COL4A5: variants seen among roughly 807,000 people sequenced by gnomAD.
COL4A5 encodes collagen type IV alpha 5 chain.
A neutral mutation model predicts 130.2 loss-of-function variants in COL4A5; 26 were observed. The ratio of observed to expected loss-of-function variants is 0.20; its 90% CI spans 0.15 to 0.28. The LOEUF (loss-of-function observed/expected upper bound fraction) is 0.28. Among genes scored for constraint, COL4A5 ranks in the 10% least tolerant of loss-of-function variants. COL4A5 has a pLI of 1.00. For missense variants in COL4A5, 1,131 were observed against 1,344.3 expected, an observed-to-expected ratio of 0.84 and a Z score of 2.48; for synonymous variants, 496 against 439.6, an observed-to-expected ratio of 1.13 and a Z score of -1.60.
At position 108,697,041 on chromosome X, in the gene COL4A5, G is replaced by A. The variant is rs1351633155; in HGVS notation, c.*663G>A. On this transcript the variant is annotated 3_prime_UTR_variant, in exon 53 of 53. Coordinates refer to ENST00000328300, the MANE Select transcript of COL4A5 (RefSeq NM_033380.3). ...GTAAATTTATTTTGAGTTTTATCCCGTAAGTTCTGTTTTGATTTTTTTTAA... is the reference window on the plus strand; with the variant it reads ...GTAAATTTATTTTGAGTTTTATCCCATAAGTTCTGTTTTGATTTTTTTTAA... 9.0e-6 allele frequency: 1 copy of A among 111,204 alleles called. No individual in the cohort carries two copies. Among genetic ancestry groups the A allele is most frequent in the Non-Finnish European group, 1.9e-5 (1 of 52,960 alleles). 9.2% of individuals were successfully genotyped at this position (111,204 alleles called of 1,213,427 possible).
chrX:108,681,690 TA>T, intron 46 of COL4A5, 69 bp from the exon 47 acceptor site: 1 of 1,199,539 alleles, frequency 8.3e-7, no homozygotes, highest in Non-Finnish European at 1.1e-6. Flanking sequence ...GTCCTGAACT[TA>T]GGTCACTTTG....
intron 25 of COL4A5, 27 bp downstream of exon 25, chrX:108,598,897 C>T (rs777011571): frequency 8.3e-7 from 1 of 1,203,497 alleles, no homozygotes; most frequent in Non-Finnish European, 1.1e-6. Flanking sequence ...TTGTTTTAAA[C>T]TTGGTGCTTA....
chrX:108,663,725 G>A (rs187570792), intron 37 of COL4A5, among the ~76,000 whole-genome samples: 325 of 104,998 alleles, frequency 3.1e-3, no homozygotes, highest in African/African-American at 0.012. Flanking sequence ...TCCTGCATAC[G>A]TACCCCAGAA....
intron 1 of COL4A5, among the ~76,000 whole-genome samples, chrX:108,469,022 TCTTTA>T (rs1391600622): frequency 9.0e-6 from 1 of 110,840 alleles, no homozygotes; most frequent in African/African-American, 3.3e-5. Flanking sequence ...TGAGTCAATG[TCTTTA>T]CTTGTTATGA....
At chrX:108,460,471 G>C (rs1460981347) in intron 1 of COL4A5, among the ~76,000 whole-genome samples, 1 of 108,121 alleles carries the variant, frequency 9.2e-6, no homozygotes, top group African/African-American at 3.4e-5. Flanking sequence ...TTATGGTCAG[G>C]TGAGTTCCTA....
At chrX:108,589,013 G>A (rs1022409099) in intron 19 of COL4A5, among the ~76,000 whole-genome samples, 1 of 111,505 alleles carries the variant, frequency 9.0e-6, no homozygotes, top group Non-Finnish European at 1.9e-5. Flanking sequence ...AATAGCGGTA[G>A]GATGCAAGAA....
intron 1 of COL4A5, among the ~76,000 whole-genome samples, chrX:108,473,633 A>ATATATATATATATTTTTTTTT: frequency 1.4e-4 from 5 of 34,560 alleles, no homozygotes; most frequent in East Asian, 4.9e-4. Flanking sequence ...ATATATATAT[A>ATATATATATATATTTTTTTTT]TTTTTTTTTT....
intron 1 of COL4A5, among the ~76,000 whole-genome samples, chrX:108,445,443 T>G (rs1011062050): frequency 2.7e-5 from 3 of 112,148 alleles, no homozygotes; most frequent in African/African-American, 9.7e-5. Context: ...TTTCTATTCA[T>G]GGAGGTGTAC....
rs1569509313 is a variant in COL4A5, at chrX:108,695,316, G to C, written c.4871G>C (p.Gly1624Ala). Reference sequence around the variant, plus strand: ...TCAGGTCAAGCCCTAGCCTCCCCTGGTTCCTGCTTGGAAGAGTTTCGTTCA... The same window carrying C: ...TCAGGTCAAGCCCTAGCCTCCCCTGCTTCCTGCTTGGAAGAGTTTCGTTCA... Reference protein sequence around the residue: ...EGSGQALASPGSCLEEFRSAP... With the variant: ...EGSGQALASPASCLEEFRSAP... The change falls in exon 52 of 53, where the codon GGT becomes GCT. Residue 1624 changes from glycine to alanine, a missense_variant. By Grantham distance (60) the Gly-to-Ala change is moderately conservative. Coordinates refer to ENST00000328300, the MANE Select transcript of COL4A5 (RefSeq NM_033380.3). 1 of 1,211,493 alleles carries C rather than the reference G, an allele frequency of 8.3e-7. No individual in the cohort carries two copies. The highest frequency in any genetic ancestry group is 1.1e-6 in the Non-Finnish European group (1 of 895,394).
At chrX:108,663,552 G>T (rs2068008355) in intron 37 of COL4A5, among the ~76,000 whole-genome samples, 1 of 110,802 alleles carries the variant, frequency 9.0e-6, no homozygotes, top group Non-Finnish European at 1.9e-5. Context: ...ACAGGAAGGG[G>T]AACAACACAC....
intron 2 of COL4A5, among the ~76,000 whole-genome samples, chrX:108,544,002 T>C (rs2065597170): frequency 8.9e-6 from 1 of 112,022 alleles, no homozygotes; most frequent in Non-Finnish European, 1.9e-5. Context: ...CTTAAGGAGA[T>C]TTTAGGCTGA....
chrX:108,515,902 A>G (rs2065216335), intron 1 of COL4A5, among the ~76,000 whole-genome samples: 1 of 111,644 alleles, frequency 9.0e-6, no homozygotes, highest in South Asian at 3.7e-4. Flanking sequence ...TGAAACAGCC[A>G]GAACTGTAGC....
chrX:108,455,794 T>TA (rs1439555317), intron 1 of COL4A5, among the ~76,000 whole-genome samples: 1 of 111,971 alleles, frequency 8.9e-6, no homozygotes, highest in African/African-American at 3.2e-5. Context: ...ATGGAATGTG[T>TA]ATATGCAGGT....
intron 30 of COL4A5, among the ~76,000 whole-genome samples, chrX:108,615,723 G>A (rs758251345): frequency 2.3e-4 from 26 of 110,907 alleles, no homozygotes; most frequent in Non-Finnish European, 2.6e-4. Context: ...TGTTAATCTA[G>A]GTAAGTACAG....
chrX:108,524,636 A>G (rs901429455), intron 1 of COL4A5, among the ~76,000 whole-genome samples: 1 of 111,268 alleles, frequency 9.0e-6, no homozygotes, highest in African/African-American at 3.3e-5. Flanking sequence ...TTACTGCTGC[A>G]AATTTATCTC....
chrX:108,470,149 A>G (rs1236831031), intron 1 of COL4A5, among the ~76,000 whole-genome samples: 1 of 112,148 alleles, frequency 8.9e-6, no homozygotes, highest in African/African-American at 3.2e-5. Context: ...TTTGGGGGGT[A>G]TATACCCAGT....
intron 1 of COL4A5, among the ~76,000 whole-genome samples, chrX:108,524,292 G>A (rs2065292825): frequency 9.0e-6 from 1 of 111,132 alleles, no homozygotes; most frequent in African/African-American, 3.3e-5. Flanking sequence ...TAAGTATAGC[G>A]TTAGCTGTGG....
chrX:108,535,217 T>C (rs2065439585), intron 1 of COL4A5, among the ~76,000 whole-genome samples: 1 of 111,225 alleles, frequency 9.0e-6, no homozygotes, highest in African/African-American at 3.3e-5. Flanking sequence ...CCTTTATTAT[T>C]TTTAAGTTAG....
At chrX:108,543,902 C>T (rs1347801303) in intron 2 of COL4A5, among the ~76,000 whole-genome samples, 1 of 111,622 alleles carries the variant, frequency 9.0e-6, no homozygotes, top group Non-Finnish European at 1.9e-5. Context: ...TGATTTGGCT[C>T]TCTGTTTGTC....
Sources: gnomAD v4.1 joint callset for allele counts (sites outside exome capture counted in the v4.1 genomes callset) on GRCh38, gnomAD v4.1.1 for gene constraint, MANE v1.5 for transcripts, NCBI Gene and HGNC (gene_info 2026-07-23, HGNC 2026-07-21) for gene names.